The following RUNX3 variants were observed in gnomAD, a reference collection of about 807,000 sequenced individuals.
RUNX3 encodes RUNX family transcription factor 3, also known as runt-related transcription factor 3.
In RUNX3, 10 loss-of-function variants were observed where a neutral mutation model predicts 27.7. The observed-to-expected ratio is 0.36, with a 90% CI of 0.22 to 0.61. RUNX3 has a LOEUF of 0.61. Ranked by LOEUF, RUNX3 falls within the 20% of genes least tolerant of loss-of-function variation. The pLI, the probability that RUNX3 is intolerant of heterozygous loss-of-function variation, is 0.72. For missense variants in RUNX3, 469 were observed against 629.5 expected (o/e 0.75, Z 2.73); for synonymous variants, 270 against 269.2 (o/e 1.00, Z -0.03).
At chr1:24,935,162 C>T (rs1641319049), upstream of RUNX3, among the ~76,000 whole-genome samples, 1 of 152,244 alleles carries the variant, frequency 6.6e-6, no homozygotes, top group African/African-American at 2.4e-5. Flanking sequence ...GGACCTTTGC[C>T]TTGCAGGAGA....
At chr1:24,934,457 A>T (rs190445945), upstream of RUNX3, among the ~76,000 whole-genome samples, 96 of 152,330 alleles carry the variant, frequency 6.3e-4, no homozygotes, top group African/African-American at 2.3e-3. Flanking sequence ...TAGGACCCAG[A>T]TGCTGCCTGT....
At chr1:24,926,081 G>T (rs1641093972) in intron 2 of RUNX3, among the ~76,000 whole-genome samples, 1 of 152,186 alleles carries the variant, frequency 6.6e-6, no homozygotes, top group Non-Finnish European at 1.5e-5. Flanking sequence ...TGGGCTCCCA[G>T]ATCGACAGCA....
rs1260397811 is a variant in RUNX3 at position 24,962,234 on chromosome 1, T to C, written c.58+2280A>G. 6.6e-6 allele frequency: 1 copy of C among 152,230 alleles called. No homozygotes were observed. Among genetic ancestry groups the C allele is most frequent in the Non-Finnish European group, 1.5e-5 (1 of 68,032 alleles). The allele number at this position is 152,230 out of a possible 1,614,324, so 9.4% of individuals were successfully genotyped here. On this transcript the variant is annotated intron_variant, in intron 2 of 6. Transcript: ENST00000338888. The surrounding 1 kb of genome is among the most constrained non-coding windows in gnomAD (Gnocchi z 4.5). The stretch of plus-strand genomic sequence containing the variant: ...GCACAGACAAATGGAGTTCAACAAA[T>C]GGAAAACGTGAGTCAATATGTCACC...
intron 2 of RUNX3, among the ~76,000 whole-genome samples, chr1:24,950,884 C>T (rs1042317521): frequency 5.9e-5 from 9 of 152,082 alleles, no homozygotes; most frequent in Non-Finnish European, 1.3e-4. Context: ...CCAGAGGTCC[C>T]TGCCAAAGTG....
At position 24,916,670 on chromosome 1, in the gene RUNX3, T is replaced by C. The variant is rs1209556317; in HGVS notation, c.544+2570A>G. Among the ~76,000 whole-genome samples, 3 of 152,098 alleles carry C rather than the reference T, an allele frequency of 2.0e-5. No homozygotes were observed. Among genetic ancestry groups the C allele is most frequent in the Admixed American group, 6.5e-5 (1 of 15,276 alleles). On this transcript the variant is annotated intron_variant, in intron 3 of 4. Coordinates refer to ENST00000308873, the MANE Select transcript of RUNX3 (RefSeq NM_004350.3). This position sits in a 1 kb window ranked among gnomAD's most constrained non-coding sequence, Gnocchi z 4.8. ...GCAACCCAGGGTATGGGGGGGGACCTGATCTCAGGGCCAGGATATGCCAGG... is the reference window on the plus strand; with the variant it reads ...GCAACCCAGGGTATGGGGGGGGACCCGATCTCAGGGCCAGGATATGCCAGG...
chr1:24,906,362 C>T (rs1456896998), intron 4 of RUNX3, among the ~76,000 whole-genome samples: 1 of 152,218 alleles, frequency 6.6e-6, no homozygotes, highest in Non-Finnish European at 1.5e-5. Context: ...TAACCAGGCT[C>T]TGGGGAATTG....
chr1:24,955,986 AG>A (rs1374823783), intron 2 of RUNX3, among the ~76,000 whole-genome samples: 1 of 152,226 alleles, frequency 6.6e-6, no homozygotes, highest in Non-Finnish European at 1.5e-5. Context: ...CCACCTCTCC[AG>A]GGAAACTGTC....
chr1:24,952,018 G>C (rs750970438), intron 2 of RUNX3, among the ~76,000 whole-genome samples: 48 of 152,194 alleles, frequency 3.2e-4, no homozygotes, highest in Non-Finnish European at 6.3e-4. Context: ...CACTTAGACA[G>C]TGGCTGACAT....
chr1:24,929,903 C>A lies in RUNX3; in HGVS notation c.-35G>T. The A allele has an allele frequency of 8.0e-7, 1 of 1,248,310 alleles. No individual in the cohort carries two copies. The highest frequency in any genetic ancestry group is 1.0e-6 in the Non-Finnish European group (1 of 998,854). The allele number at this position is 1,248,310 out of a possible 1,614,324, so 77.3% of individuals were successfully genotyped here. On this transcript the variant is annotated 5_prime_UTR_variant, in exon 1 of 5. Transcript: ENST00000308873. ...CGTCAGGGCGCCGGGCAGGCGGAGA[C>A]GGCGCGGCTTCCCCCGGGGGCGGCC...
intron 2 of RUNX3, among the ~76,000 whole-genome samples, chr1:24,954,417 A>T (rs12124894): frequency 0.14 from 22,040 of 152,132 alleles, 1,823 homozygotes; most frequent in South Asian, 0.23. Context: ...TAAAGAATGG[A>T]AGCCCACACA....
intron 2 of RUNX3, chr1:24,964,441 C>A (rs747076996): frequency 8.1e-6 from 10 of 1,236,022 alleles, no homozygotes; most frequent in East Asian, 2.5e-5. Flanking sequence ...GCAGCCAGGG[C>A]GGTCAGTGGA....
At chr1:24,961,392 A>G (rs968184592) in intron 2 of RUNX3, 1 of 152,120 alleles carries the variant, frequency 6.6e-6, no homozygotes, top group African/African-American at 2.4e-5. Context: ...CTGAGGTAGT[A>G]GGAGCTCGGT....
At chr1:24,951,458 G>T (rs1557858694) in intron 2 of RUNX3, among the ~76,000 whole-genome samples, 1 of 152,128 alleles carries the variant, frequency 6.6e-6, no homozygotes, top group South Asian at 2.1e-4. Context: ...CCCCTCTCTT[G>T]TTCCACAAAT....
At chr1:24,947,031 A>T (rs796718407) in intron 2 of RUNX3, among the ~76,000 whole-genome samples, 1 of 152,056 alleles carries the variant, frequency 6.6e-6, no homozygotes, top group Admixed American at 6.6e-5. Flanking sequence ...CTGTGTAGAC[A>T]TCATACTTGG....
At chr1:24,933,658 G>A (rs1439457167), upstream of RUNX3, among the ~76,000 whole-genome samples, 3 of 152,264 alleles carry the variant, frequency 2.0e-5, no homozygotes, top group Non-Finnish European at 2.9e-5. Flanking sequence ...ATCACAGGGC[G>A]GCCAGAGCTG....
intron 2 of RUNX3, among the ~76,000 whole-genome samples, chr1:24,925,852 C>G (rs2124298184): frequency 6.6e-6 from 1 of 152,306 alleles, no homozygotes; most frequent in East Asian, 1.9e-4. Context: ...GCTACAAGGA[C>G]AAGCTCCCAA....
At chr1:24,914,982 C>T (rs961338329) in intron 3 of RUNX3, among the ~76,000 whole-genome samples, 1 of 152,196 alleles carries the variant, frequency 6.6e-6, no homozygotes, top group Non-Finnish European at 1.5e-5. Context: ...CATAGGACTT[C>T]CTACTACCCG....
At chr1:24,911,631 C>T (rs746941651) in intron 3 of RUNX3, among the ~76,000 whole-genome samples, 8 of 152,238 alleles carry the variant, frequency 5.3e-5, no homozygotes, top group Non-Finnish European at 1.0e-4. Context: ...TGCTGGAGAC[C>T]GGGGTGTGGA....
intron 2 of RUNX3, among the ~76,000 whole-genome samples, chr1:24,951,801 G>C (rs973780781): frequency 6.6e-6 from 1 of 152,162 alleles, no homozygotes; most frequent in Non-Finnish European, 1.5e-5. Flanking sequence ...TCTCTCTGGG[G>C]TTCAGTTTTC....
Sources: gnomAD v4.1 joint callset for allele counts (sites outside exome capture counted in the v4.1 genomes callset) on GRCh38, gnomAD v4.1.1 for gene constraint, Gnocchi (gnomAD v3.1) non-coding constraint, MANE v1.5 for transcripts, NCBI Gene and HGNC (gene_info 2026-07-23, HGNC 2026-07-21) for gene names.